LMLN: variants seen among roughly 807,000 people sequenced by gnomAD.
LMLN encodes leishmanolysin like peptidase.
LMLN carries 70 observed loss-of-function variants against 92.3 expected under a neutral mutation model. The observed-to-expected ratio is 0.76, with a 90% CI of 0.63 to 0.92. The LOEUF is 0.92. Among genes scored for constraint, LMLN ranks in the 40% least tolerant of loss-of-function variants. The pLI, the probability that LMLN is intolerant of heterozygous loss-of-function variation, is 0.00. For synonymous variants in LMLN, 308 were observed against 296.2 expected (o/e 1.04, Z -0.41); for missense variants, 691 against 814.6 (o/e 0.85, Z 1.85).
intron 1 of LMLN, among the ~76,000 whole-genome samples, chr3:197,972,989 G>A (rs1193760818): frequency 6.6e-6 from 1 of 152,090 alleles, no homozygotes; most frequent in Non-Finnish European, 1.5e-5. Flanking sequence ...AGCCAGTGAG[G>A]CTCTGACTTC....
At chr3:197,999,479 C>A in intron 11 of LMLN, 137 bp downstream of exon 11, 1 of 634,086 alleles carries the variant, frequency 1.6e-6, no homozygotes. Flanking sequence ...GTACAGTTAG[C>A]TGTCCGTTAT....
At chr3:197,980,285 T>C (rs1560137396) in intron 5 of LMLN, 41 bp from the exon 6 acceptor site, 1 of 1,564,830 alleles carries the variant, frequency 6.4e-7, no homozygotes, top group South Asian at 1.1e-5. Flanking sequence ...ACAGCTAACT[T>C]TGTCTCTGTT....
At chr3:198,039,402 G>C (rs928082722) in exon 16 of LMLN, 1 of 152,180 alleles carries the variant, frequency 6.6e-6, no homozygotes, top group Non-Finnish European at 1.5e-5. Context: ...TGTCCTTTGA[G>C]TTATAGAAAA....
chr3:198,016,270 T>G (rs1722638686), intron 11 of LMLN, among the ~76,000 whole-genome samples: 1 of 152,100 alleles, frequency 6.6e-6, no homozygotes, highest in South Asian at 2.1e-4. Context: ...TAAAGCAATT[T>G]AAATCACTTG....
chr3:198,040,411 A>G (rs553423930), exon 16 of LMLN: 1 of 152,384 alleles, frequency 6.6e-6, no homozygotes, highest in East Asian at 1.9e-4. Context: ...GATGAGGTTT[A>G]ACAAGAATAT....
At chr3:197,971,296 C>A (rs1721216631) in intron 1 of LMLN, among the ~76,000 whole-genome samples, 2 of 152,118 alleles carry the variant, frequency 1.3e-5, no homozygotes, top group African/African-American at 2.4e-5. Flanking sequence ...GAAGCAAGGA[C>A]CTTCTTTACA....
At chr3:198,013,872 C>T (rs1185434420) in intron 11 of LMLN, among the ~76,000 whole-genome samples, 1 of 143,422 alleles carries the variant, frequency 7.0e-6, no homozygotes, top group Non-Finnish European at 1.5e-5. Context: ...TTCTCTGTAC[C>T]CTTCAGAGCC....
exon 5 of LMLN, chr3:197,976,660 A>G: frequency 6.3e-7 from 1 of 1,596,738 alleles, no homozygotes; most frequent in Non-Finnish European, 8.6e-7. Flanking sequence ...TGCACCGGGG[A>G]GTGTGCCGCA....
chr3:197,970,970 C>G (rs1399081757), intron 1 of LMLN, among the ~76,000 whole-genome samples: 3 of 150,582 alleles, frequency 2.0e-5, no homozygotes, highest in African/African-American at 7.3e-5. Flanking sequence ...GATCAGTTTT[C>G]TCAGATGTAT....
At chr3:197,993,753 C>T (rs995130263) in intron 9 of LMLN, among the ~76,000 whole-genome samples, 1 of 151,960 alleles carries the variant, frequency 6.6e-6, no homozygotes, top group Admixed American at 6.6e-5. Flanking sequence ...TCATATGGAA[C>T]CACAAACACA....
chr3:197,976,784 T>C, intron 5 of LMLN, 69 bp downstream of exon 5: 1 of 717,648 alleles, frequency 1.4e-6, no homozygotes, highest in Non-Finnish European at 2.2e-6. Flanking sequence ...TGTCACAGAA[T>C]TTTTACAGAT....
At chr3:198,026,939 T>G (rs1263369472) in intron 14 of LMLN, among the ~76,000 whole-genome samples, 2 of 152,152 alleles carry the variant, frequency 1.3e-5, no homozygotes, top group African/African-American at 4.8e-5. Flanking sequence ...GCCCTCTTAG[T>G]AAGGTAGGAA....
intron 11 of LMLN, among the ~76,000 whole-genome samples, chr3:198,016,061 G>A (rs1285872225): frequency 4.0e-5 from 6 of 151,746 alleles, no homozygotes; most frequent in African/African-American, 1.5e-4. Flanking sequence ...GCATGGTGGC[G>A]TGGCCCTGTA....
At chr3:198,001,824 A>C (rs2109902962) in intron 11 of LMLN, among the ~76,000 whole-genome samples, 2 of 152,022 alleles carry the variant, frequency 1.3e-5, no homozygotes, top group South Asian at 4.2e-4. Context: ...CAATATTATT[A>C]TTTTTTATTA....
intron 1 of LMLN, among the ~76,000 whole-genome samples, chr3:197,972,562 C>G (rs1289319561): frequency 1.3e-5 from 2 of 152,216 alleles, no homozygotes; most frequent in African/African-American, 4.8e-5. Context: ...CTCTTAGGGT[C>G]TGTTTCTATT....
intron 11 of LMLN, among the ~76,000 whole-genome samples, chr3:198,017,317 G>A (rs947743301): frequency 2.0e-5 from 3 of 152,132 alleles, no homozygotes; most frequent in Non-Finnish European, 4.4e-5. Context: ...ATTCCAGTGT[G>A]GCTGTTCTCA....
rs1207021759 is a variant in LMLN at position 198,042,658 on chromosome 3, T to C, written c.*3991T>C. On this transcript the variant is annotated 3_prime_UTR_variant, in exon 16 of 16. Transcript: ENST00000330198. The surrounding 1 kb of genome is among the most constrained non-coding windows in gnomAD (Gnocchi z 4.2). ...TGGGGACAGTAGACTGGAGTCACTT[T>C]CTGACTCAAAAAGGGTCAAGTACTT... is the stretch of plus-strand genomic sequence containing the variant. 2 of 143,974 alleles carry C rather than the reference T, an allele frequency of 1.4e-5. No homozygotes were observed. Among genetic ancestry groups the C allele is most frequent in the African/African-American group, 5.2e-5 (2 of 38,470 alleles). The allele number at this position is 143,974 out of a possible 1,614,324, so 8.9% of individuals were successfully genotyped here.
intron 11 of LMLN, among the ~76,000 whole-genome samples, chr3:198,009,773 G>A (rs1193043824): frequency 6.6e-6 from 1 of 152,052 alleles, no homozygotes; most frequent in African/African-American, 2.4e-5. Flanking sequence ...AGGGTTTTTT[G>A]TAGTATTCCA....
chr3:198,011,748 A>G (rs1278272919), intron 11 of LMLN, among the ~76,000 whole-genome samples: 1 of 151,930 alleles, frequency 6.6e-6, no homozygotes, highest in South Asian at 2.1e-4. Flanking sequence ...CAACAATGTA[A>G]AAGTGTTCCT....
Sources: gnomAD v4.1 joint callset for allele counts (sites outside exome capture counted in the v4.1 genomes callset) on GRCh38, gnomAD v4.1.1 for gene constraint, Gnocchi (gnomAD v3.1) non-coding constraint, MANE v1.5 for transcripts, NCBI Gene and HGNC (gene_info 2026-07-23, HGNC 2026-07-21) for gene names.